FBXO11: variants seen among roughly 807,000 people sequenced by gnomAD.
FBXO11 encodes the protein F-box only protein 11.
FBXO11 carries 13 observed loss-of-function variants against 117.0 expected under a neutral mutation model. The ratio of observed to expected loss-of-function variants is 0.11; its 90% CI spans 0.07 to 0.18. FBXO11 has a LOEUF of 0.18. Among genes scored for constraint, FBXO11 ranks in the 10% least tolerant of loss-of-function variants. The probability of loss-of-function intolerance (pLI) is 1.00; values close to 1 mark genes in which losing one functional copy is unlikely to be tolerated. For missense variants in FBXO11, 767 were observed against 1,164.4 expected (o/e 0.66, Z 4.97); for synonymous variants, 490 against 380.5 (o/e 1.29, Z -3.35).
In FBXO11 at chr2:47,905,615, G is replaced by T; in HGVS notation, c.106C>A (p.Pro36Thr). The change falls in exon 1 of 23, where the codon CCC (proline) becomes ACC (threonine). Residue 36 changes from proline to threonine, a missense_variant. Pro to Thr is a conservative substitution (Grantham distance 38). Coordinates refer to ENST00000403359, the MANE Select transcript of FBXO11 (RefSeq NM_001190274.2). ...TGCTGCTGGGGCGGCTGCTGCTGGG[G>T]CGGCTGCGGCGGCGGCTGCTGCGGG... ...QPPQQPPPQP[P>T]QQQPPQQQPP... The T allele has an allele frequency of 7.3e-7, 1 of 1,369,364 alleles. No homozygotes were observed. The allele number at this position is 1,369,364 out of a possible 1,614,324, so 84.8% of individuals were successfully genotyped here.
rs964448875 is a variant in FBXO11, at chr2:47,905,589, C to T, written c.132G>A (p.Gln44=). 2.7e-4 allele frequency: 344 copies of T among 1,271,464 alleles called. 2 individuals carry two copies. In the African/African-American group the frequency reaches 4.4e-3, roughly 16 times the overall value. 78.8% of individuals were successfully genotyped at this position (1,271,464 alleles called of 1,614,324 possible). A position where few individuals can be genotyped will look rare whatever the true frequency, so the allele number is the denominator to read the frequency against. The change falls in exon 1 of 23, where the codon CAG becomes CAA. Residue 44 remains glutamine (Q), a synonymous_variant. Transcript: ENST00000403359. ...GCTGCTGCTGCGGCGGCGGCGGAGGCTGCTGCTGGGGCGGCTGCTGCTGGG... is the reference window on the plus strand; with the variant it reads ...GCTGCTGCTGCGGCGGCGGCGGAGGTTGCTGCTGGGGCGGCTGCTGCTGGG... ...QPPQQQPPQQ[Q]PPPPPQQQQQ...
At chr2:47,891,023 T>C (rs142529348) in intron 1 of FBXO11, among the ~76,000 whole-genome samples, 191 of 151,604 alleles carry the variant, frequency 1.3e-3, no homozygotes, top group African/African-American at 4.6e-3. Flanking sequence ...GGAGTCTCCC[T>C]ATGTTGCTCA....
In FBXO11 at chr2:47,827,360, G is replaced by A. The variant is rs116359803; in HGVS notation, c.1399-4000C>T. On this transcript the variant is annotated intron_variant, in intron 11 of 22. Coordinates refer to ENST00000403359, the MANE Select transcript of FBXO11 (RefSeq NM_001190274.2). ...GAGTGTCTGTCGCCCAGGCTGGAGC[G>A]CAGTGGCGCACTTTCGGCTCACTGC... Among the ~76,000 whole-genome samples the A allele has an allele frequency of 7.1e-3, 1,086 of 152,326 alleles. 9 individuals are homozygous for A. Among genetic ancestry groups the A allele is most frequent in the Non-Finnish European group, 0.011 (732 of 68,018 alleles).
chr2:47,870,422 G>C (rs549474098), intron 1 of FBXO11, among the ~76,000 whole-genome samples: 2 of 152,258 alleles, frequency 1.3e-5, no homozygotes, highest in South Asian at 2.1e-4. Context: ...CTTTGAAAAT[G>C]CAAGTTAAGG....
chr2:47,821,244 GA>G (rs1346622719), intron 13 of FBXO11, among the ~76,000 whole-genome samples: 1 of 152,050 alleles, frequency 6.6e-6, no homozygotes, highest in Non-Finnish European at 1.5e-5. Flanking sequence ...GGCTGAGGCT[GA>G]AACAGGCAGC....
chr2:47,881,117 T>C (rs987886687), intron 1 of FBXO11, among the ~76,000 whole-genome samples: 1 of 152,068 alleles, frequency 6.6e-6, no homozygotes, highest in Non-Finnish European at 1.5e-5. Flanking sequence ...CCGGGCTTAG[T>C]GGCGGGTGCC....
At chr2:47,901,042 T>G (rs1299607845) in intron 1 of FBXO11, among the ~76,000 whole-genome samples, 1 of 137,024 alleles carries the variant, frequency 7.3e-6, no homozygotes, top group Non-Finnish European at 1.6e-5. Flanking sequence ...CACACGTGTG[T>G]ACATATATAC....
At chr2:47,828,978 G>C (rs1340533682) in intron 11 of FBXO11, among the ~76,000 whole-genome samples, 1 of 151,862 alleles carries the variant, frequency 6.6e-6, no homozygotes, top group Non-Finnish European at 1.5e-5. Flanking sequence ...GCAGTGGCAT[G>C]ATCTTGGGTC....
intron 21 of FBXO11, 172 bp from the exon 22 acceptor site, chr2:47,808,599 C>T: frequency 1.9e-6 from 1 of 520,312 alleles, no homozygotes; most frequent in Middle Eastern, 5.0e-4. Flanking sequence ...AAGTGATTTT[C>T]CTGTCATCTG....
intron 1 of FBXO11, among the ~76,000 whole-genome samples, chr2:47,840,299 G>C (rs1286444595): frequency 6.6e-6 from 1 of 151,936 alleles, no homozygotes; most frequent in Non-Finnish European, 1.5e-5. Flanking sequence ...TGAGAGGAGT[G>C]GGAAGGGAAC....
rs368848073 is a variant in FBXO11, at chr2:47,886,501, CAAAAA to C, written c.232+18983_232+18987del. Among the ~76,000 whole-genome samples, 13 of 82,648 alleles carry C rather than the reference CAAAAA, an allele frequency of 1.6e-4. No homozygotes were observed. In the South Asian group the frequency reaches 5.5e-3, roughly 35 times the overall value. 54.2% of individuals were successfully genotyped at this position (82,648 alleles called of 152,430 possible). A position where few individuals can be genotyped will look rare whatever the true frequency, so the allele number is the denominator to read the frequency against. On this transcript the variant is annotated intron_variant, in intron 1 of 22. Coordinates refer to ENST00000403359, the MANE Select transcript of FBXO11 (RefSeq NM_001190274.2). ...AGCATGGGAGACAGAGCGAGACTCTCAAAAAAAAAAAAAAAAAGTGAATCTTTCTA... is the reference window on the plus strand; with the variant it reads ...AGCATGGGAGACAGAGCGAGACTCTCAAAAAAAAAAAAGTGAATCTTTCTA...
At chr2:47,837,240 G>C (rs1311246216) in intron 4 of FBXO11, among the ~76,000 whole-genome samples, 2 of 152,134 alleles carry the variant, frequency 1.3e-5, no homozygotes, top group African/African-American at 4.8e-5. Context: ...TAAATGTAAG[G>C]TGTGGGCCGG....
At chr2:47,842,128 G>A (rs950431274) in intron 1 of FBXO11, among the ~76,000 whole-genome samples, 2 of 151,574 alleles carry the variant, frequency 1.3e-5, no homozygotes, top group Non-Finnish European at 1.5e-5. Flanking sequence ...CCATTCTCCG[G>A]CCTCAGCCTC....
Position 47,906,075 on chromosome 2 carries a change from G to A in FBXO11, c.-355C>T. 1 of 253,832 alleles carries A rather than the reference G, an allele frequency of 3.9e-6. No homozygotes were observed. Among genetic ancestry groups the A allele is most frequent in the South Asian group, 6.1e-5 (1 of 16,326 alleles). 15.7% of individuals were successfully genotyped at this position (253,832 alleles called of 1,614,324 possible). A position where few individuals can be genotyped will look rare whatever the true frequency, so the allele number is the denominator to read the frequency against. On this transcript the variant is annotated 5_prime_UTR_variant, in exon 1 of 23. Coordinates refer to ENST00000403359, the MANE Select transcript of FBXO11 (RefSeq NM_001190274.2). ...GGATCCCGAGGCGAAGCGCGGCGGC[G>A]GCGGCGGCGGCGGCTGAAGAGACAG...
At chr2:47,890,091 C>T (rs751132567) in intron 1 of FBXO11, among the ~76,000 whole-genome samples, 75 of 152,192 alleles carry the variant, frequency 4.9e-4, no homozygotes, top group Non-Finnish European at 8.2e-4. Context: ...GCTAGGACTA[C>T]AGGTACATGC....
intron 1 of FBXO11, among the ~76,000 whole-genome samples, chr2:47,851,548 T>C (rs1395079480): frequency 6.6e-6 from 1 of 152,118 alleles, no homozygotes; most frequent in Non-Finnish European, 1.5e-5. Flanking sequence ...ATCTGTTTGC[T>C]AGTCATTGTG....
intron 1 of FBXO11, 194 bp downstream of exon 1, chr2:47,905,295 G>C (rs142913271): frequency 2.4e-6 from 1 of 408,868 alleles, no homozygotes; most frequent in Non-Finnish European, 3.7e-6. Flanking sequence ...GAGAAGGGAA[G>C]CCGCGGCTTT....
At chr2:47,831,558 A>G (rs1464092237) in intron 11 of FBXO11, among the ~76,000 whole-genome samples, 2 of 152,100 alleles carry the variant, frequency 1.3e-5, no homozygotes, top group African/African-American at 2.4e-5. Flanking sequence ...ATTTGCTACA[A>G]TGTGGTGACC....
chr2:47,839,872 G>C lies in FBXO11; in HGVS notation c.233-103C>G, dbSNP rs181278263. On this transcript the variant is annotated intron_variant, in intron 1 of 22. Coordinates refer to ENST00000403359, the MANE Select transcript of FBXO11 (RefSeq NM_001190274.2). ...ACTTCAAATTCGGGAGGGAGCAGATGTAAGTTTTATATGAAATTCCAACCA... is the reference window on the plus strand; with the variant it reads ...ACTTCAAATTCGGGAGGGAGCAGATCTAAGTTTTATATGAAATTCCAACCA... 214 of 995,444 alleles carry C rather than the reference G, an allele frequency of 2.1e-4. 1 individual carries two copies. The African/African-American group carries it at 3.1e-3, about 14-fold the overall frequency. 61.7% of individuals were successfully genotyped at this position (995,444 alleles called of 1,614,324 possible).
Sources: gnomAD v4.1 joint callset for allele counts (sites outside exome capture counted in the v4.1 genomes callset) on GRCh38, gnomAD v4.1.1 for gene constraint, MANE v1.5 for transcripts, NCBI Gene and HGNC (gene_info 2026-07-23, HGNC 2026-07-21) for gene names.